WAPL: variants seen among roughly 807,000 people sequenced by gnomAD.
WAPL encodes WAPL cohesin release factor.
WAPL carries 5 observed loss-of-function variants against 121.0 expected under a neutral mutation model. That is an observed-to-expected ratio of 0.04 (90% CI 0.02 to 0.09). The LOEUF (loss-of-function observed/expected upper bound fraction) is 0.09. Among genes scored for constraint, WAPL ranks in the 10% least tolerant of loss-of-function variants. The pLI, the probability that WAPL is intolerant of heterozygous loss-of-function variation, is 1.00. For synonymous variants in WAPL, 480 were observed against 481.5 expected (o/e 1.00, Z 0.04); for missense variants, 999 against 1,410.8 (o/e 0.71, Z 4.68).
At position 86,435,634 on chromosome 10, in the gene WAPL, C is replaced by T. The variant is rs3758519; in HGVS notation, c.*1909G>A. On this transcript the variant is annotated 3_prime_UTR_variant, in exon 19 of 19. Transcript: ENST00000298767. ...CAAAATCTGCATCTCTATCAGTGCT[C>T]GACAATTAGTTATTATTTAAAAAAC... 7 of 152,068 alleles carry T rather than the reference C, an allele frequency of 4.6e-5. No homozygotes were observed. In the East Asian group the frequency reaches 1.2e-3, roughly 25 times the overall value. 9.4% of individuals were successfully genotyped at this position (152,068 alleles called of 1,614,324 possible). A position where few individuals can be genotyped will look rare whatever the true frequency, so the allele number is the denominator to read the frequency against.
At chr10:86,473,712 TCA>T (rs553668548) in intron 5 of WAPL, among the ~76,000 whole-genome samples, 164 bp downstream of exon 5, 84 of 152,286 alleles carry the variant, frequency 5.5e-4, no homozygotes, top group African/African-American at 1.6e-3. Flanking sequence ...CTGACAATCC[TCA>T]GTTTTCCAAT....
intron 15 of WAPL, among the ~76,000 whole-genome samples, chr10:86,450,360 C>T (rs754601600): frequency 2.6e-5 from 4 of 152,110 alleles, no homozygotes; most frequent in Non-Finnish European, 5.9e-5. Context: ...TTCAGCGTCC[C>T]GAGCAGCTGG....
Position 86,452,235 on chromosome 10 carries a change from G to T in WAPL, c.2950-104C>A, listed in dbSNP as rs536078691. The T allele has an allele frequency of 1.6e-3, 1,735 of 1,053,322 alleles. 4 individuals carry two copies. Among genetic ancestry groups the T allele is most frequent in the Non-Finnish European group, 1.9e-3 (1,394 of 751,034 alleles). 65.2% of individuals were successfully genotyped at this position (1,053,322 alleles called of 1,614,324 possible). ...GGCAACTAAAAAGCTGAATATCAGT[G>T]TTCTACCACCTACAAAATGGCTAAA... On this transcript the variant is annotated intron_variant, in intron 14 of 18. Coordinates refer to ENST00000298767, the MANE Select transcript of WAPL (RefSeq NM_015045.5).
At chr10:86,478,440 A>C (rs1841709434) in intron 4 of WAPL, among the ~76,000 whole-genome samples, 1 of 152,164 alleles carries the variant, frequency 6.6e-6, no homozygotes, top group Non-Finnish European at 1.5e-5. Flanking sequence ...TCCAAAAAAA[A>C]AGGATGGATT....
chr10:86,507,142 C>T (rs1234975550), intron 2 of WAPL, among the ~76,000 whole-genome samples: 3 of 150,524 alleles, frequency 2.0e-5, no homozygotes, highest in East Asian at 1.9e-4. Context: ...CCGAGGCGGG[C>T]GGATCACCTG....
chr10:86,503,585 T>C (rs914661134), intron 2 of WAPL, among the ~76,000 whole-genome samples: 7 of 151,800 alleles, frequency 4.6e-5, no homozygotes, highest in African/African-American at 1.7e-4. Context: ...ACTCCGTCTC[T>C]ACTAAAAATA....
chr10:86,484,746 A>T (rs1409064170), intron 4 of WAPL, among the ~76,000 whole-genome samples: 2 of 152,190 alleles, frequency 1.3e-5, no homozygotes, highest in Non-Finnish European at 2.9e-5. Context: ...TTCTAGGTTT[A>T]GATACACAAA....
At chr10:86,452,579 G>A (rs1438169295) in intron 14 of WAPL, among the ~76,000 whole-genome samples, 1 of 151,712 alleles carries the variant, frequency 6.6e-6, no homozygotes, top group East Asian at 1.9e-4. Context: ...GCAAGAGAGT[G>A]AGTGAGACTC....
Position 86,503,968 on chromosome 10 carries a change from G to A in WAPL, c.500-3225C>T, listed in dbSNP as rs182911022. 5.9e-5 allele frequency among the ~76,000 whole-genome samples: 9 copies of A among 151,830 alleles called. No individual in the cohort carries two copies. In the East Asian group the frequency reaches 1.8e-3, roughly 30 times the overall value. ...GCAGATCACTTGAGGCCAGAAGTTC[G>A]AGACCAGTGTGGCCAACATGGTGAA... On this transcript the variant is annotated intron_variant, in intron 2 of 18. Coordinates refer to ENST00000298767, the MANE Select transcript of WAPL (RefSeq NM_015045.5).
intron 2 of WAPL, among the ~76,000 whole-genome samples, chr10:86,506,964 C>T (rs928982976): frequency 6.6e-6 from 1 of 151,714 alleles, no homozygotes; most frequent in African/African-American, 2.4e-5. Flanking sequence ...TACTCCTCCA[C>T]CCTGTTATAT....
intron 4 of WAPL, among the ~76,000 whole-genome samples, chr10:86,486,327 G>A (rs917280112): frequency 6.6e-6 from 1 of 152,194 alleles, no homozygotes; most frequent in Non-Finnish European, 1.5e-5. Context: ...AGATGTGGGA[G>A]TACTTGTCCT....
At chr10:86,492,121 T>C (rs775957575) in intron 4 of WAPL, among the ~76,000 whole-genome samples, 1 of 152,234 alleles carries the variant, frequency 6.6e-6, no homozygotes, top group Non-Finnish European at 1.5e-5. Context: ...GTTTTTAATA[T>C]TCTTTGTGTC....
chr10:86,467,529 A>C, intron 8 of WAPL, 23 bp from the exon 9 acceptor site: 2 of 1,570,398 alleles, frequency 1.3e-6, no homozygotes, highest in Non-Finnish European at 1.7e-6. Context: ...AAAAAAAGAA[A>C]AGAAAAAAAA....
chr10:86,499,893 A>C lies in WAPL; in HGVS notation c.1350T>G (p.Ile450Met). ...EGGSGSSNYK[I>M]KYFGFDDLSE... ...TGAGATCATCAAAGCCAAAATACTT[A>C]ATTTTGTAATTAGAACTTCCAGAAC... The change falls in exon 3 of 19, where the codon ATT (isoleucine) becomes ATG (methionine). Residue 450 changes from isoleucine to methionine, a missense_variant. Ile to Met is a conservative substitution (Grantham distance 10). Coordinates refer to ENST00000298767, the MANE Select transcript of WAPL (RefSeq NM_015045.5). The C allele has an allele frequency of 6.2e-7, 1 of 1,614,018 alleles. No homozygotes were observed. Among genetic ancestry groups the C allele is most frequent in the Non-Finnish European group, 8.5e-7 (1 of 1,179,986 alleles).
intron 11 of WAPL, among the ~76,000 whole-genome samples, chr10:86,459,630 G>A (rs1370516160): frequency 1.3e-5 from 2 of 152,114 alleles, no homozygotes; most frequent in Non-Finnish European, 2.9e-5. Flanking sequence ...AAATATACTC[G>A]CTGCAGTTCA....
chr10:86,483,495 TAG>T (rs1841843226), intron 4 of WAPL, among the ~76,000 whole-genome samples: 1 of 151,942 alleles, frequency 6.6e-6, no homozygotes, highest in African/African-American at 2.4e-5. Flanking sequence ...CTATTAACAA[TAG>T]CAGTTACTGG....
intron 4 of WAPL, among the ~76,000 whole-genome samples, chr10:86,482,951 C>T (rs1398629594): frequency 6.6e-6 from 1 of 151,946 alleles, no homozygotes; most frequent in East Asian, 1.9e-4. Flanking sequence ...GAGTTATGTA[C>T]CACATAACAA....
chr10:86,440,199 T>C (rs1191085443), intron 17 of WAPL, among the ~76,000 whole-genome samples: 1 of 152,168 alleles, frequency 6.6e-6, no homozygotes, highest in African/African-American at 2.4e-5. Context: ...AGAACGATTA[T>C]GTAAGAAAGA....
intron 2 of WAPL, among the ~76,000 whole-genome samples, chr10:86,504,493 G>A (rs185427905): frequency 1.4e-5 from 2 of 138,564 alleles, no homozygotes; most frequent in Admixed American, 7.4e-5. Context: ...TAGCTAACAC[G>A]GTGACACCCC....
Sources: gnomAD v4.1 joint callset for allele counts (sites outside exome capture counted in the v4.1 genomes callset) on GRCh38, gnomAD v4.1.1 for gene constraint, MANE v1.5 for transcripts, NCBI Gene and HGNC (gene_info 2026-07-23, HGNC 2026-07-21) for gene names.